The following MORN4 variants were observed in gnomAD, a reference collection of about 807,000 sequenced individuals.
MORN4 encodes MORN repeat-containing protein 4.
A neutral mutation model predicts 16.4 loss-of-function variants in MORN4; 8 were observed. The observed-to-expected ratio is 0.49, with a 90% CI of 0.29 to 0.88. The LOEUF (loss-of-function observed/expected upper bound fraction) is 0.88. MORN4 is among the 40% of genes least tolerant of loss of function. The pLI, the probability that MORN4 is intolerant of heterozygous loss-of-function variation, is 0.09. For synonymous variants in MORN4, 53 were observed against 68.9 expected (o/e 0.77, Z 1.14); for missense variants, 159 against 182.9 (o/e 0.87, Z 0.75).
intron 1 of MORN4, among the ~76,000 whole-genome samples, chr10:97,631,573 C>T (rs984181954): frequency 2.1e-5 from 3 of 141,926 alleles, no homozygotes; most frequent in African/African-American, 9.2e-5. Context: ...ACGTATTAAA[C>T]AACATTTTTG....
Position 97,632,535 on chromosome 10 carries a change from T to C in MORN4, c.-31+812A>G, listed in dbSNP as rs188564111. Among the ~76,000 whole-genome samples the C allele has an allele frequency of 1.1e-3, 168 of 152,052 alleles. 1 individual carries two copies. The highest frequency in any genetic ancestry group is 3.9e-3 in the African/African-American group (163 of 41,492). On this transcript the variant is annotated intron_variant, in intron 1 of 4. Coordinates refer to ENST00000307450, the MANE Select transcript of MORN4 (RefSeq NM_178832.4). ...CCCGGCCTAAATATTTTTTTTTAAG[T>C]GTTTTAAAAGGAGCTCGAAATAACT... is the stretch of plus-strand genomic sequence containing the variant.
intron 1 of MORN4, among the ~76,000 whole-genome samples, chr10:97,619,906 C>T (rs968026196): frequency 6.6e-6 from 1 of 152,110 alleles, no homozygotes; most frequent in African/African-American, 2.4e-5. Context: ...AGTTTTCAGC[C>T]AGTTCCTATT....
At position 97,633,294 on chromosome 10, in the gene MORN4, C is replaced by G; in HGVS notation, c.-31+53G>C. The G allele has an allele frequency of 7.8e-7, 1 of 1,283,208 alleles. No homozygotes were observed. The highest frequency in any genetic ancestry group is 1.2e-5 in the South Asian group (1 of 80,222). The allele number at this position is 1,283,208 out of a possible 1,614,324, so 79.5% of individuals were successfully genotyped here. A position where few individuals can be genotyped will look rare whatever the true frequency, so the allele number is the denominator to read the frequency against. ...CTCGTGCTCCGTTCCTCAGTGCCCA[C>G]CTGACCGATCACACTCTTTCCCGGC... On this transcript the variant is annotated intron_variant, in intron 1 of 4. Coordinates refer to ENST00000307450, the MANE Select transcript of MORN4 (RefSeq NM_178832.4). The surrounding 1 kb of genome is among the most constrained non-coding windows in gnomAD (Gnocchi z 4.5).
intron 4 of MORN4, 98 bp downstream of exon 4, chr10:97,616,580 A>G (rs576195379): frequency 7.1e-6 from 9 of 1,259,386 alleles, no homozygotes; most frequent in African/African-American, 1.5e-5. Flanking sequence ...GACGGCCACT[A>G]TGGATTGCTG....
chr10:97,616,817 G>A, intron 3 of MORN4, 30 bp from the exon 4 acceptor site: 4 of 1,506,792 alleles, frequency 2.7e-6, no homozygotes, highest in Non-Finnish European at 3.7e-6. Context: ...TTAGCCTTCA[G>A]TGGAAAGTTA....
intron 1 of MORN4, among the ~76,000 whole-genome samples, chr10:97,632,426 C>T (rs888325441): frequency 6.6e-6 from 1 of 151,946 alleles, no homozygotes; most frequent in Non-Finnish European, 1.5e-5. Context: ...ACCATCTTGG[C>T]CAAGCTAGTT....
intron 2 of MORN4, chr10:97,619,316 G>A (rs1294816018): frequency 1.4e-5 from 8 of 566,720 alleles, no homozygotes; most frequent in South Asian, 2.3e-5. Flanking sequence ...CATAGTGAGC[G>A]AGACCTCATC....
chr10:97,633,372 G>T lies in MORN4; in HGVS notation c.-56C>A. 7.8e-7 allele frequency: 1 copy of T among 1,289,856 alleles called. No homozygotes were observed. Among genetic ancestry groups the T allele is most frequent in the Non-Finnish European group, 1.0e-6 (1 of 988,898 alleles). The allele number at this position is 1,289,856 out of a possible 1,614,324, so 79.9% of individuals were successfully genotyped here. A position where few individuals can be genotyped will look rare whatever the true frequency, so the allele number is the denominator to read the frequency against. On this transcript the variant is annotated 5_prime_UTR_variant, in exon 1 of 5. Coordinates refer to ENST00000307450, the MANE Select transcript of MORN4 (RefSeq NM_178832.4). This position sits in a 1 kb window ranked among gnomAD's most constrained non-coding sequence, Gnocchi z 4.5. ...CTGGGGCCGGCCTTTCGGGATGACCGTCACGCCTGGACGCAGGGTTCCAGC... is the reference window on the plus strand; with the variant it reads ...CTGGGGCCGGCCTTTCGGGATGACCTTCACGCCTGGACGCAGGGTTCCAGC...
rs1248309046 is a variant in MORN4 at position 97,617,255 on chromosome 10, A to C, written c.135T>G (p.Asn45Lys). The C allele has an allele frequency of 6.2e-7, 1 of 1,614,188 alleles. No homozygotes were observed. The highest frequency in any genetic ancestry group is 8.5e-7 in the Non-Finnish European group (1 of 1,180,026). ...DGGTYLGHFE[N>K]GLFNGFGVLT... Reference sequence around the variant, plus strand: ...ATACCCCAAAGCCATTAAAGAGCCCATTCTCAAAATGACCCAGGTAGGTGC... The same window carrying C: ...ATACCCCAAAGCCATTAAAGAGCCCCTTCTCAAAATGACCCAGGTAGGTGC... The change falls in exon 3 of 5, where the codon AAT becomes AAG. Residue 45 changes from asparagine (N) to lysine (K), a missense_variant. Coordinates refer to ENST00000307450, the MANE Select transcript of MORN4 (RefSeq NM_178832.4).
At chr10:97,629,789 C>T (rs1405453594) in intron 1 of MORN4, among the ~76,000 whole-genome samples, 3 of 152,098 alleles carry the variant, frequency 2.0e-5, no homozygotes, top group Admixed American at 6.5e-5. Flanking sequence ...GACAGAGTCT[C>T]GCTTTGTCAC....
chr10:97,618,281 T>C (rs1432480675), intron 2 of MORN4, among the ~76,000 whole-genome samples: 46 of 145,836 alleles, frequency 3.2e-4, no homozygotes, highest in African/African-American at 1.0e-3. Context: ...TTTTTTTTTT[T>C]TGAGACAGAG....
At chr10:97,625,990 G>C (rs1378044334) in intron 1 of MORN4, among the ~76,000 whole-genome samples, 4 of 151,582 alleles carry the variant, frequency 2.6e-5, no homozygotes, top group African/African-American at 4.9e-5. Context: ...CAAACTCCTA[G>C]CCTCAAGCAA....
rs541560176 is a variant in MORN4, at chr10:97,618,179, AAAATAAAT to A, written c.68-865_68-858del. Among the ~76,000 whole-genome samples, 6 of 151,876 alleles carry A rather than the reference AAAATAAAT, an allele frequency of 4.0e-5. No individual in the cohort carries two copies. The South Asian group carries it at 6.2e-4, about 16-fold the overall frequency. On this transcript the variant is annotated intron_variant, in intron 2 of 4. Transcript: ENST00000307450. ...GGCAACAAGAGCAAAACTCCATCTCAAAATAAATAAATAAATAAATAAATAACAATTGC... is the reference window on the plus strand; with the variant it reads ...GGCAACAAGAGCAAAACTCCATCTCAAAATAAATAAATAAATAACAATTGC...
intron 1 of MORN4, among the ~76,000 whole-genome samples, chr10:97,625,907 A>G (rs950686757): frequency 6.6e-6 from 1 of 152,148 alleles, no homozygotes; most frequent in African/African-American, 2.4e-5. Flanking sequence ...AGCTAGGACT[A>G]TAGGCACACA....
At chr10:97,619,812 C>A (rs2135736140) in intron 1 of MORN4, 129 bp from the exon 2 acceptor site, 2 of 621,920 alleles carry the variant, frequency 3.2e-6, no homozygotes, top group South Asian at 4.0e-5. Context: ...GTGCATTTAA[C>A]CAAAATACCC....
chr10:97,629,463 C>T (rs2041376222), intron 1 of MORN4, among the ~76,000 whole-genome samples: 1 of 152,198 alleles, frequency 6.6e-6, no homozygotes, highest in South Asian at 2.1e-4. Context: ...GATACACTCA[C>T]ACTTGGAGAC....
chr10:97,633,319 C>A lies in MORN4; in HGVS notation c.-31+28G>T. ...CCTGACCGATCACACTCTTTCCCGG[C>A]CCCCTCCCTCCTGCGCCTCCAGCCA... On this transcript the variant is annotated intron_variant, in intron 1 of 4. Transcript: ENST00000307450. The surrounding 1 kb of genome is among the most constrained non-coding windows in gnomAD (Gnocchi z 4.5). 7.8e-7 allele frequency: 1 copy of A among 1,288,322 alleles called. No individual in the cohort carries two copies. The highest frequency in any genetic ancestry group is 1.2e-5 in the South Asian group (1 of 80,894). The allele number at this position is 1,288,322 out of a possible 1,614,324, so 79.8% of individuals were successfully genotyped here. A position where few individuals can be genotyped will look rare whatever the true frequency, so the allele number is the denominator to read the frequency against.
At chr10:97,632,951 TAAAG>T (rs1293847780) in intron 1 of MORN4, among the ~76,000 whole-genome samples, 1 of 152,016 alleles carries the variant, frequency 6.6e-6, no homozygotes, top group Non-Finnish European at 1.5e-5. Flanking sequence ...ACCAGTGAGA[TAAAG>T]GCGGGCTCAG....
At chr10:97,617,704 A>G (rs529081602) in intron 2 of MORN4, among the ~76,000 whole-genome samples, 94 of 152,224 alleles carry the variant, frequency 6.2e-4, no homozygotes, top group African/African-American at 2.1e-3. Context: ...TACTAAAAAT[A>G]CAAAAATTAG....
Sources: allele counts gnomAD v4.1 joint callset (sites outside exome capture counted in the v4.1 genomes callset), GRCh38; gene constraint gnomAD v4.1.1; non-coding constraint Gnocchi (gnomAD v3.1); transcripts MANE v1.5; gene names NCBI Gene and HGNC (gene_info 2026-07-23, HGNC 2026-07-21).